Variants in NGDN observed in about 807,000 individuals in gnomAD.
NGDN encodes the protein EIF4E-binding protein.
Under a neutral mutation model 45.2 loss-of-function variants are expected in NGDN, and 41 were observed. The ratio of observed to expected loss-of-function variants is 0.91; its 90% CI spans 0.71 to 1.18. The LOEUF is 1.18. Ranked by LOEUF, NGDN falls within the 50% of genes most tolerant of loss-of-function variation. The pLI, the probability that NGDN is intolerant of heterozygous loss-of-function variation, is 0.00. For missense variants in NGDN, 402 were observed against 399.9 expected (o/e 1.01, Z -0.05); for synonymous variants, 137 against 130.9 (o/e 1.05, Z -0.32).
intron 3 of NGDN, among the ~76,000 whole-genome samples, chr14:23,474,465 A>G (rs1024125853): frequency 1.3e-5 from 2 of 152,230 alleles, no homozygotes; most frequent in Non-Finnish European, 2.9e-5. Flanking sequence ...TTCACACTCT[A>G]AAGTACACCA....
chr14:23,476,927 TA>T (rs1893917606), intron 8 of NGDN, among the ~76,000 whole-genome samples: 1 of 152,170 alleles, frequency 6.6e-6, no homozygotes, highest in African/African-American at 2.4e-5. Context: ...AGAGCTGAAA[TA>T]AAAAAATTTT....
At chr14:23,473,496 C>A (rs1481854836) in intron 3 of NGDN, among the ~76,000 whole-genome samples, 1 of 152,072 alleles carries the variant, frequency 6.6e-6, no homozygotes, top group African/African-American at 2.4e-5. Context: ...CATAATTATT[C>A]TTTGTGGCAG....
chr14:23,477,421 C>CT, intron 9 of NGDN, 65 bp downstream of exon 9: 2 of 1,611,544 alleles, frequency 1.2e-6, no homozygotes, highest in Non-Finnish European at 1.7e-6. Context: ...GTATGTGGGG[C>CT]TTATTACCAT....
chr14:23,469,703 G>A lies in NGDN; in HGVS notation c.-13G>A. On this transcript the variant is annotated 5_prime_UTR_variant, in exon 1 of 11. Coordinates refer to ENST00000408901, the MANE Select transcript of NGDN (RefSeq NM_001042635.2). ...CAGGAAGTACGACACCGGAAGGGGTGGGCTTTGCGAAGATGGCGGCGCTGG... is the reference window on the plus strand; with the variant it reads ...CAGGAAGTACGACACCGGAAGGGGTAGGCTTTGCGAAGATGGCGGCGCTGG... 1 of 1,614,150 alleles carries A rather than the reference G, an allele frequency of 6.2e-7. No homozygotes were observed. Among genetic ancestry groups the A allele is most frequent in the African/African-American group, 1.3e-5 (1 of 75,042 alleles).
At chr14:23,470,304 A>T (rs1893744725) in intron 2 of NGDN, 3 of 564,370 alleles carry the variant, frequency 5.3e-6, no homozygotes, top group Non-Finnish European at 9.4e-6. Flanking sequence ...AAAAGAAATT[A>T]TATGAATAGT....
intron 4 of NGDN, 116 bp from the exon 5 acceptor site, chr14:23,475,442 A>G: frequency 7.4e-7 from 1 of 1,351,666 alleles, no homozygotes; most frequent in Non-Finnish European, 1.0e-6. Flanking sequence ...TTTTCTATTC[A>G]TTTGCTCTAC....
chr14:23,478,342 A>G (rs1156341676), downstream of NGDN: 1 of 326,858 alleles, frequency 3.1e-6, no homozygotes, highest in Non-Finnish European at 5.6e-6. Context: ...TACGTCACAA[A>G]AAGTATTGAG....
chr14:23,475,866 T>C (rs1893889827), intron 6 of NGDN, 88 bp downstream of exon 6: 3 of 1,480,700 alleles, frequency 2.0e-6, no homozygotes, highest in East Asian at 2.3e-5. Flanking sequence ...CCTGGGATTC[T>C]CTTAGGACTT....
Position 23,476,375 on chromosome 14 carries a change from T to C in NGDN, c.681T>C (p.His227=), listed in dbSNP as rs1379489421. ...AAATCCGTGATGCTCGGCATCCCCA[T>C]GTTACCCGCCAGAGTCAGGAGGACC... ...PEEIRDARHP[H]VTRQSQEDQH... Residue 227 remains histidine, a synonymous_variant, in exon 8 of 11, where the codon CAT becomes CAC. Transcript: ENST00000408901. 5 of 1,612,514 alleles carry C rather than the reference T, an allele frequency of 3.1e-6. No individual in the cohort carries two copies. In the Admixed American group the frequency reaches 6.7e-5, roughly 21 times the overall value.
chr14:23,475,198 C>G lies in NGDN; in HGVS notation c.172C>G (p.Gln58Glu). The G allele has an allele frequency of 1.9e-6, 3 of 1,613,408 alleles. No homozygotes were observed. Among genetic ancestry groups the G allele is most frequent in the Non-Finnish European group, 2.5e-6 (3 of 1,179,720 alleles). ...TCTCAGCTTCTTGGAAGTGAAAGAC[C>G]AGCTGCTGCTCATGTACCTTATGGA... ...KGLSFLEVKD[Q>E]LLLMYLMDLT... is the part of the protein sequence containing the mutation. Residue 58 changes from glutamine (Q) to glutamate (E), a missense_variant, in exon 4 of 11, where the codon CAG (glutamine) becomes GAG (glutamate). Coordinates refer to ENST00000408901, the MANE Select transcript of NGDN (RefSeq NM_001042635.2).
chr14:23,470,782 A>G, intron 2 of NGDN, 124 bp from the exon 3 acceptor site: 1 of 601,942 alleles, frequency 1.7e-6, no homozygotes. Flanking sequence ...GTGAGAAGAT[A>G]GTACTATACT....
In NGDN at chr14:23,478,095, G is replaced by A; in HGVS notation, c.*69G>A. 2.1e-6 allele frequency: 3 copies of A among 1,441,140 alleles called. No homozygotes were observed. Among genetic ancestry groups the A allele is most frequent in the Non-Finnish European group, 2.9e-6 (3 of 1,025,262 alleles). 89.3% of individuals were successfully genotyped at this position (1,441,140 alleles called of 1,614,324 possible). ...CTTCTAATTTCATTGTATATAGGTG[G>A]TTTTCCCTGGAATTCATTAATTGTT... On this transcript the variant is annotated 3_prime_UTR_variant, in exon 11 of 11. Coordinates refer to ENST00000408901, the MANE Select transcript of NGDN (RefSeq NM_001042635.2).
chr14:23,474,723 C>G (rs1455901053), intron 3 of NGDN, among the ~76,000 whole-genome samples: 6 of 152,116 alleles, frequency 3.9e-5, no homozygotes, highest in Admixed American at 3.9e-4. Flanking sequence ...TTGGTAATTA[C>G]TTTGATTAAA....
rs1197807510 is a variant in NGDN at position 23,475,739 on chromosome 14, A to G, written c.381A>G (p.Pro127=). 1 of 1,613,530 alleles carries G rather than the reference A, an allele frequency of 6.2e-7. No individual in the cohort carries two copies. Among genetic ancestry groups the G allele is most frequent in the African/African-American group, 1.3e-5 (1 of 74,914 alleles). Residue 127 remains proline (P), a synonymous_variant, in exon 6 of 11, where the codon CCA becomes CCG. Transcript: ENST00000408901. ...TATTTATTTCAGGTGAGAATGACCC[A>G]CTTCGTTTTAAGCCTCATCCCAGCA... The part of the protein sequence containing the change: ...AVTGSLSEND[P]LRFKPHPSNM...
chr14:23,472,352 C>T (rs768190098), intron 3 of NGDN, among the ~76,000 whole-genome samples: 4 of 151,796 alleles, frequency 2.6e-5, no homozygotes, highest in Middle Eastern at 3.4e-3. Context: ...AAAAATTAGC[C>T]GGGCATGGTG....
chr14:23,476,153 G>T lies in NGDN; in HGVS notation c.544+1G>T. The T allele has an allele frequency of 1.2e-6, 2 of 1,614,146 alleles. No individual in the cohort carries two copies. Among genetic ancestry groups the T allele is most frequent in the African/African-American group, 1.3e-5 (1 of 75,036 alleles). On this transcript the variant is annotated splice_donor_variant, in intron 7 of 10. Transcript: ENST00000408901. LOFTEE classifies it high-confidence loss of function. Reference sequence around the variant, plus strand: ...CCACGCTTGGTTCCAGTACATTATGGTATAAACTTTGGCTGCTGCCTCCTC... The same window carrying T: ...CCACGCTTGGTTCCAGTACATTATGTTATAAACTTTGGCTGCTGCCTCCTC...
At chr14:23,470,144 T>C (rs1893741044) in intron 2 of NGDN, 43 bp downstream of exon 2, 1 of 1,567,576 alleles carries the variant, frequency 6.4e-7, no homozygotes, top group East Asian at 2.2e-5. Flanking sequence ...ACGGATTGGC[T>C]TTGAGTTTGT....
rs193172104 is a variant in NGDN, at chr14:23,477,874, C to G, written c.929-133C>G. ...TTTATTCCTACTTCTCGTCTTTTGTCCTGGGAAGATATTCAGGGTACTGCC... is the reference window on the plus strand; with the variant it reads ...TTTATTCCTACTTCTCGTCTTTTGTGCTGGGAAGATATTCAGGGTACTGCC... On this transcript the variant is annotated intron_variant, in intron 10 of 10. Transcript: ENST00000408901. 1.9e-6 allele frequency: 3 copies of G among 1,565,128 alleles called. No homozygotes were observed. In the Admixed American group the frequency reaches 6.2e-5, roughly 32 times the overall value.
At chr14:23,471,144 G>GT in intron 3 of NGDN, 167 bp downstream of exon 3, 4 of 458,992 alleles carry the variant, frequency 8.7e-6, no homozygotes, top group Non-Finnish European at 1.1e-5. Flanking sequence ...AGCAATAGAT[G>GT]TAAGTATTAA....
Sources: gnomAD v4.1 joint callset for allele counts (sites outside exome capture counted in the v4.1 genomes callset) on GRCh38, gnomAD v4.1.1 for gene constraint, MANE v1.5 for transcripts, NCBI Gene and HGNC (gene_info 2026-07-23, HGNC 2026-07-21) for gene names.